CTBP2: variants seen among roughly 807,000 people sequenced by gnomAD.
The protein encoded by CTBP2 is C-terminal-binding protein 2.
A neutral mutation model predicts 80.3 loss-of-function variants in CTBP2; 30 were observed. The observed-to-expected ratio is 0.37, with a 90% confidence interval of 0.28 to 0.51. The LOEUF is 0.51. CTBP2 is among the 20% of genes least tolerant of loss of function. The pLI, the probability that CTBP2 is intolerant of heterozygous loss-of-function variation, is 0.93. For missense variants in CTBP2, 1,212 were observed against 1,375.3 expected (o/e 0.88, Z 1.88); for synonymous variants, 594 against 587.4 (o/e 1.01, Z -0.16).
Position 125,066,705 on chromosome 10 carries a change from T to C in CTBP2, c.-101-27550A>G, listed in dbSNP as rs1844690233. Among the ~76,000 whole-genome samples, 1 of 152,196 alleles carries C rather than the reference T, an allele frequency of 6.6e-6. No homozygotes were observed. The highest frequency in any genetic ancestry group is 2.4e-5 in the African/African-American group (1 of 41,452). ...CACTGACTCGTGAGCTGTGTGACTC[T>C]GGGTACATCACCTGAGCCCTTCACA... On this transcript the variant is annotated intron_variant, in intron 2 of 10. Coordinates refer to the CTBP2 transcript ENST00000337195. This position sits in a 1 kb window ranked among gnomAD's most constrained non-coding sequence, Gnocchi z 4.1.
At position 124,986,302 on chromosome 10, in the gene CTBP2, C is replaced by CAG. The variant is rs1952041200; in HGVS notation, c.*3215_*3216insCT. On this transcript the variant is annotated 3_prime_UTR_variant, in exon 9 of 9. Coordinates refer to ENST00000309035, the MANE Select transcript of CTBP2 (RefSeq NM_022802.3). ...GCACGCGCGCGCGCGCACACACACA[C>CAG]ACACACACACACACACACACAGTTT... The CAG allele has an allele frequency of 1.1e-5, 1 of 88,966 alleles. No homozygotes were observed. The allele number at this position is 88,966 out of a possible 1,614,324, so 5.5% of individuals were successfully genotyped here.
chr10:125,040,948 A>G (rs2135019286), intron 2 of CTBP2, among the ~76,000 whole-genome samples: 1 of 152,360 alleles, frequency 6.6e-6, no homozygotes, highest in East Asian at 1.9e-4. Context: ...AACCCTTTCA[A>G]CGATTGGGAA....
chr10:125,031,474 G>C (rs1168920183), upstream of CTBP2, among the ~76,000 whole-genome samples: 2 of 100,362 alleles, frequency 2.0e-5, no homozygotes, highest in East Asian at 3.4e-4. Context: ...GGGCAACAGA[G>C]CAAGACTCCA....
chr10:125,092,886 C>A (rs549984997), intron 2 of CTBP2, among the ~76,000 whole-genome samples: 1 of 152,258 alleles, frequency 6.6e-6, no homozygotes, highest in Admixed American at 6.5e-5. Flanking sequence ...GCACACACAG[C>A]GCCAGGAAAA....
At chr10:125,098,818 G>A (rs1329195779) in intron 2 of CTBP2, among the ~76,000 whole-genome samples, 4 of 149,666 alleles carry the variant, frequency 2.7e-5, no homozygotes, top group African/African-American at 9.9e-5. Flanking sequence ...CCTCGGAGCT[G>A]CCCACCCTGT....
intron 4 of CTBP2, among the ~76,000 whole-genome samples, chr10:124,995,721 G>A (rs571078438): frequency 1.3e-5 from 2 of 152,318 alleles, no homozygotes; most frequent in Admixed American, 6.5e-5. Context: ...AGCAAGGCAC[G>A]AACCATCACG....
chr10:125,152,299 C>T (rs547594702), intron 1 of CTBP2, among the ~76,000 whole-genome samples: 2 of 152,174 alleles, frequency 1.3e-5, no homozygotes, highest in South Asian at 2.1e-4. Flanking sequence ...GGCACCCCCG[C>T]GGTCCGGGAA....
intron 2 of CTBP2, among the ~76,000 whole-genome samples, chr10:125,084,510 C>T (rs1014312819): frequency 1.3e-5 from 2 of 152,170 alleles, no homozygotes; most frequent in Non-Finnish European, 2.9e-5. Context: ...CCCAAACCTT[C>T]CCCATCCTCT....
At chr10:125,111,703 A>G (rs1413769459) in intron 1 of CTBP2, among the ~76,000 whole-genome samples, 2 of 152,150 alleles carry the variant, frequency 1.3e-5, no homozygotes, top group African/African-American at 4.8e-5. Context: ...ATTAAACAGA[A>G]CTCCCATTTA....
At chr10:125,054,256 G>A (rs1963407723) in intron 2 of CTBP2, among the ~76,000 whole-genome samples, 1 of 152,192 alleles carries the variant, frequency 6.6e-6, no homozygotes. Context: ...TAAACAAACA[G>A]TAAACAGTAT....
At chr10:125,098,768 G>GAGACAGAGAGAGAGAGAGAC (rs1564915017) in intron 2 of CTBP2, among the ~76,000 whole-genome samples, 14 of 138,444 alleles carry the variant, frequency 1.0e-4, no homozygotes, top group African/African-American at 3.6e-4. Context: ...GAGAGAGAGA[G>GAGACAGAGAGAGAGAGAGAC]AGAGAGAGAG....
At chr10:125,137,109 C>T (rs193077326) in intron 1 of CTBP2, among the ~76,000 whole-genome samples, 1 of 152,342 alleles carries the variant, frequency 6.6e-6, no homozygotes, top group East Asian at 1.9e-4. Flanking sequence ...TGGGTCCTTA[C>T]ACATCTGTAT....
intron 1 of CTBP2, among the ~76,000 whole-genome samples, chr10:125,118,280 C>A (rs114658668): frequency 6.6e-6 from 1 of 152,202 alleles, no homozygotes; most frequent in African/African-American, 2.4e-5. Context: ...GAAGCCCTTG[C>A]GGCATTAGCT....
At position 124,985,015 on chromosome 10, in the gene CTBP2, G is replaced by T; in HGVS notation, c.*4503C>A. ...TGAAAAAAAAAATCAAACAGCAGAA[G>T]ACCAAGGCATCAGATCTGTAATGAC... is the stretch of plus-strand genomic sequence containing the variant. On this transcript the variant is annotated 3_prime_UTR_variant, in exon 9 of 9. Coordinates refer to ENST00000309035, the MANE Select transcript of CTBP2 (RefSeq NM_022802.3). 6.4e-7 allele frequency: 1 copy of T among 1,560,246 alleles called. No homozygotes were observed. The highest frequency in any genetic ancestry group is 8.8e-7 in the Non-Finnish European group (1 of 1,142,470).
chr10:125,110,780 CAG>C (rs2135926179), intron 2 of CTBP2, among the ~76,000 whole-genome samples: 1 of 152,294 alleles, frequency 6.6e-6, no homozygotes, highest in Non-Finnish European at 1.5e-5. Context: ...TATATTGCTT[CAG>C]AGTTAATTAC....
intron 1 of CTBP2, among the ~76,000 whole-genome samples, chr10:125,114,825 C>T (rs1395207721): frequency 8.1e-6 from 1 of 123,532 alleles, no homozygotes; most frequent in Non-Finnish European, 1.6e-5. Context: ...TAACAGAGGC[C>T]AGGCGAGCAG....
intron 1 of CTBP2, among the ~76,000 whole-genome samples, chr10:125,118,173 C>T (rs1853652053): frequency 1.3e-5 from 2 of 152,044 alleles, no homozygotes; most frequent in South Asian, 4.2e-4. Context: ...CAGATGTAGT[C>T]AATTAATGTG....
At chr10:124,992,127 G>T (rs937697467) in intron 8 of CTBP2, among the ~76,000 whole-genome samples, 1 of 149,810 alleles carries the variant, frequency 6.7e-6, no homozygotes, top group African/African-American at 2.4e-5. Flanking sequence ...GTGGACATAA[G>T]ATTCAAATTG....
intron 2 of CTBP2, among the ~76,000 whole-genome samples, chr10:125,054,930 T>C (rs976807477): frequency 3.5e-4 from 54 of 152,194 alleles, no homozygotes; most frequent in African/African-American, 1.3e-3. Context: ...ACGGAAAGTC[T>C]GCTGTTATGT....
Sources: gnomAD v4.1 joint callset for allele counts (sites outside exome capture counted in the v4.1 genomes callset) on GRCh38, gnomAD v4.1.1 for gene constraint, Gnocchi (gnomAD v3.1) non-coding constraint, MANE v1.5 for transcripts, NCBI Gene and HGNC (gene_info 2026-07-23, HGNC 2026-07-21) for gene names.